The following COL22A1 variants were observed in gnomAD, a reference collection of about 807,000 sequenced individuals.
The protein encoded by COL22A1 is collagen type XXII alpha 1 chain.
COL22A1 carries 221 observed loss-of-function variants against 248.9 expected under a neutral mutation model. The ratio of observed to expected loss-of-function variants is 0.89; its 90% CI spans 0.80 to 0.99. The LOEUF is 0.99. Ranked by LOEUF, COL22A1 falls within the 50% of genes least tolerant of loss-of-function variation. The pLI is 0.00. For missense variants in COL22A1, 2,240 were observed against 2,179.0 expected (o/e 1.03, Z -0.56); for synonymous variants, 891 against 793.4 (o/e 1.12, Z -2.07).
intron 45 of COL22A1, among the ~76,000 whole-genome samples, chr8:138,652,416 G>T (rs542491902): frequency 1.3e-5 from 2 of 152,266 alleles, no homozygotes; most frequent in African/African-American, 4.8e-5. Flanking sequence ...GTGCCATTAC[G>T]GTTTTGTTTA....
intron 1 of COL22A1, among the ~76,000 whole-genome samples, chr8:138,898,449 T>C (rs965670346): frequency 6.6e-6 from 1 of 152,140 alleles, no homozygotes; most frequent in Admixed American, 6.5e-5. Context: ...TAGCTCAGGA[T>C]GGATTGCATC....
intron 35 of COL22A1, among the ~76,000 whole-genome samples, chr8:138,691,730 G>A (rs919773206): frequency 6.7e-6 from 1 of 149,086 alleles, no homozygotes; most frequent in South Asian, 2.1e-4. Context: ...GTGTACATGT[G>A]AGTGTGCATG....
chr8:138,889,891 G>C (rs1047293138), intron 1 of COL22A1, among the ~76,000 whole-genome samples: 3 of 152,274 alleles, frequency 2.0e-5, no homozygotes, highest in African/African-American at 7.2e-5. Context: ...CAAGTTTTTA[G>C]AGAAATCTTT....
At chr8:138,868,734 C>CT (rs34915430) in intron 3 of COL22A1, among the ~76,000 whole-genome samples, 57,956 of 145,500 alleles carry the variant, frequency 0.4, 13,268 homozygotes, top group Non-Finnish European at 0.53. Flanking sequence ...CATTGTCCTC[C>CT]TTTTTTTTTT....
intron 9 of COL22A1, among the ~76,000 whole-genome samples, chr8:138,810,646 G>A (rs1257247574): frequency 1.3e-5 from 2 of 152,174 alleles, no homozygotes; most frequent in Non-Finnish European, 2.9e-5. Flanking sequence ...TTCGATGTCC[G>A]AATTAACTGA....
intron 49 of COL22A1, among the ~76,000 whole-genome samples, chr8:138,633,025 G>A (rs1449906857): frequency 6.6e-6 from 1 of 152,082 alleles, no homozygotes; most frequent in Non-Finnish European, 1.5e-5. Flanking sequence ...TAAAAGAAAG[G>A]GCTTTGTCAG....
intron 64 of COL22A1, 66 bp downstream of exon 64, chr8:138,591,358 G>T (rs1316415721): frequency 1.6e-6 from 2 of 1,253,272 alleles, no homozygotes; most frequent in Non-Finnish European, 2.2e-6. Context: ...GTGGGGCCAC[G>T]GGCAGGGGTG....
intron 23 of COL22A1, among the ~76,000 whole-genome samples, chr8:138,731,971 C>T (rs1242002896): frequency 6.6e-6 from 1 of 152,160 alleles, no homozygotes; most frequent in African/African-American, 2.4e-5. Context: ...AACAATACCT[C>T]AAACAGAACA....
At chr8:138,859,652 G>T (rs1363679285) in intron 3 of COL22A1, among the ~76,000 whole-genome samples, 1 of 151,918 alleles carries the variant, frequency 6.6e-6, no homozygotes, top group African/African-American at 2.4e-5. Context: ...CAATCTAGGG[G>T]TGGCGCCACC....
At chr8:138,738,887 C>T (rs746577879) in intron 22 of COL22A1, among the ~76,000 whole-genome samples, 2 of 152,110 alleles carry the variant, frequency 1.3e-5, no homozygotes, top group Admixed American at 6.5e-5. Context: ...TCTACTGTCC[C>T]GGAATCTCCA....
At chr8:138,853,311 A>G (rs780846157) in intron 3 of COL22A1, among the ~76,000 whole-genome samples, 5 of 152,250 alleles carry the variant, frequency 3.3e-5, no homozygotes, top group African/African-American at 4.8e-5. Context: ...CAGGGACAGC[A>G]ACTATGTCAA....
chr8:138,684,867 C>A (rs890238611), intron 38 of COL22A1, among the ~76,000 whole-genome samples: 7 of 152,318 alleles, frequency 4.6e-5, no homozygotes, highest in Admixed American at 6.5e-5. Context: ...GAAGTCTTGG[C>A]TGAAAGCACC....
At chr8:138,764,552 C>G (rs944341862) in intron 16 of COL22A1, among the ~76,000 whole-genome samples, 1 of 152,236 alleles carries the variant, frequency 6.6e-6, no homozygotes, top group Non-Finnish European at 1.5e-5. Context: ...TTTGCAGGCC[C>G]CTGGCCTTGC....
At chr8:138,665,098 T>A (rs1564165715) in intron 41 of COL22A1, among the ~76,000 whole-genome samples, 1 of 152,198 alleles carries the variant, frequency 6.6e-6, no homozygotes, top group African/African-American at 2.4e-5. Context: ...GCCCCAGAGC[T>A]GTCTAATAAT....
At chr8:138,699,027 G>C (rs373101906) in intron 32 of COL22A1, among the ~76,000 whole-genome samples, 10 of 152,174 alleles carry the variant, frequency 6.6e-5, no homozygotes, top group Non-Finnish European at 1.3e-4. Context: ...CAGGACAGGA[G>C]GGCAGTGAAG....
chr8:138,772,140 C>G (rs1203089864), intron 16 of COL22A1, among the ~76,000 whole-genome samples: 3 of 152,186 alleles, frequency 2.0e-5, no homozygotes, highest in Non-Finnish European at 2.9e-5. Context: ...CCATTCCACA[C>G]CTGTGAGGGA....
rs1817762527 is a variant in COL22A1 at position 138,598,909 on chromosome 8, A to C, written c.4186-11T>G. The C allele has an allele frequency of 1.2e-6, 2 of 1,613,958 alleles. No homozygotes were observed. Among genetic ancestry groups the C allele is most frequent in the African/African-American group, 2.7e-5 (2 of 75,054 alleles). The stretch of plus-strand genomic sequence containing the variant: ...GATCCCAGGATCTCCCTAAGGAGGA[A>C]ATAAGCATGTCAGCATGTGTCTCAG... On this transcript the variant is annotated splice_polypyrimidine_tract_variant and intron_variant, in intron 60 of 64. Transcript: ENST00000303045.
chr8:138,664,174 C>T (rs1002476348), intron 41 of COL22A1, among the ~76,000 whole-genome samples: 2 of 148,818 alleles, frequency 1.3e-5, no homozygotes, highest in Non-Finnish European at 3.0e-5. Flanking sequence ...AGTAGTCATG[C>T]TCCCTTCTCC....
intron 61 of COL22A1, among the ~76,000 whole-genome samples, chr8:138,597,301 C>T (rs1215895989): frequency 6.6e-6 from 1 of 152,166 alleles, no homozygotes; most frequent in Non-Finnish European, 1.5e-5. Context: ...CTTCTTCGCA[C>T]TGGACCTGGG....
Sources: allele counts gnomAD v4.1 joint callset (sites outside exome capture counted in the v4.1 genomes callset), GRCh38; gene constraint gnomAD v4.1.1; transcripts MANE v1.5; gene names NCBI Gene and HGNC (gene_info 2026-07-23, HGNC 2026-07-21).